Variants in TP53INP1 observed in about 807,000 individuals in gnomAD.
TP53INP1 encodes tumor protein p53-inducible nuclear protein 1.
A neutral mutation model predicts 21.0 loss-of-function variants in TP53INP1; 12 were observed. That is an observed-to-expected ratio of 0.57 (90% CI 0.37 to 0.93). TP53INP1 has a LOEUF of 0.93. TP53INP1 is among the 40% of genes least tolerant of loss of function. TP53INP1 has a pLI of 0.01. For missense variants in TP53INP1, 274 were observed against 294.7 expected, an observed-to-expected ratio of 0.93 and a Z score of 0.51; for synonymous variants, 91 against 94.8, an observed-to-expected ratio of 0.96 and a Z score of 0.23.
At chr8:94,935,090 G>A (rs1204190726) in intron 3 of TP53INP1, among the ~76,000 whole-genome samples, 4 of 102,670 alleles carry the variant, frequency 3.9e-5, no homozygotes, top group Non-Finnish European at 7.1e-5. Flanking sequence ...AACAGGAAAC[G>A]GTAGGTAGGT....
intron 3 of TP53INP1, among the ~76,000 whole-genome samples, chr8:94,936,859 G>A (rs1314035155): frequency 6.6e-6 from 1 of 152,126 alleles, no homozygotes; most frequent in Admixed American, 6.5e-5. Flanking sequence ...GCTGCATCTA[G>A]ACATTCCTCT....
At chr8:94,930,901 T>A (rs1820331333) in intron 3 of TP53INP1, among the ~76,000 whole-genome samples, 173 bp from the exon 4 acceptor site, 1 of 152,164 alleles carries the variant, frequency 6.6e-6, no homozygotes, top group Non-Finnish European at 1.5e-5. Context: ...TGACTGATAG[T>A]GGTGGAAAGG....
chr8:94,937,022 G>A (rs1821045196), intron 3 of TP53INP1, among the ~76,000 whole-genome samples: 2 of 152,106 alleles, frequency 1.3e-5, no homozygotes, highest in African/African-American at 4.8e-5. Context: ...CTACAAAATG[G>A]GTCTTGAGAA....
At chr8:94,933,669 G>C (rs1202752094) in intron 3 of TP53INP1, among the ~76,000 whole-genome samples, 2 of 151,962 alleles carry the variant, frequency 1.3e-5, no homozygotes, top group African/African-American at 4.8e-5. Flanking sequence ...GGAGGCTGAG[G>C]CATGAGAATT....
Position 94,929,422 on chromosome 8 carries a change from A to G in TP53INP1, c.*1057T>C, listed in dbSNP as rs1820179803. The G allele has an allele frequency of 6.6e-6, 1 of 152,104 alleles. No individual in the cohort carries two copies. The highest frequency in any genetic ancestry group is 2.4e-5 in the African/African-American group (1 of 41,408). The allele number at this position is 152,104 out of a possible 1,614,324, so 9.4% of individuals were successfully genotyped here. On this transcript the variant is annotated 3_prime_UTR_variant, in exon 4 of 4. Transcript: ENST00000342697. The stretch of plus-strand genomic sequence containing the variant: ...ATACTTACAATACAAGGCAATTAAA[A>G]AAAAAAAAAGAAAAAAGTTGAGCCA...
chr8:94,944,414 C>T (rs1276037252), intron 1 of TP53INP1, among the ~76,000 whole-genome samples: 3 of 152,144 alleles, frequency 2.0e-5, no homozygotes, highest in African/African-American at 4.8e-5. Flanking sequence ...AGGTCCAAAC[C>T]CAGGAAGGCA....
chr8:94,933,900 G>A lies in TP53INP1; in HGVS notation c.474-3172C>T, dbSNP rs1369482124. On this transcript the variant is annotated intron_variant, in intron 3 of 3. Coordinates refer to ENST00000342697, the MANE Select transcript of TP53INP1 (RefSeq NM_033285.4). Reference sequence around the variant, plus strand: ...AGCCTGGCCAACATGGTGAAGCCCCGTCTCTACTAAAAATGCAAAAATTAG... The same window carrying A: ...AGCCTGGCCAACATGGTGAAGCCCCATCTCTACTAAAAATGCAAAAATTAG... 3.6e-5 allele frequency among the ~76,000 whole-genome samples: 5 copies of A among 139,638 alleles called. No homozygotes were observed. In the East Asian group the frequency reaches 6.4e-4, roughly 18 times the overall value. 91.6% of individuals were successfully genotyped at this position (139,638 alleles called of 152,430 possible).
chr8:94,932,829 T>C (rs1223616574), intron 3 of TP53INP1, among the ~76,000 whole-genome samples: 1 of 151,660 alleles, frequency 6.6e-6, no homozygotes, highest in African/African-American at 2.4e-5. Flanking sequence ...GAATTTCAAA[T>C]CCCAAAATAA....
chr8:94,934,220 T>C (rs1322839173), intron 3 of TP53INP1, among the ~76,000 whole-genome samples: 1 of 152,092 alleles, frequency 6.6e-6, no homozygotes, highest in Non-Finnish European at 1.5e-5. Context: ...GTCATGAAAA[T>C]GTCATTTCCA....
chr8:94,947,566 A>AT (rs1439194468), intron 1 of TP53INP1, among the ~76,000 whole-genome samples: 2 of 152,148 alleles, frequency 1.3e-5, no homozygotes, highest in Admixed American at 1.3e-4. Context: ...TTTAAAATGG[A>AT]TTTTGAACTG....
In TP53INP1 at chr8:94,940,906, T is replaced by A. The variant is rs769012615; in HGVS notation, c.36A>T (p.Glu12Asp). The change falls in exon 2 of 4, where the codon GAA (glutamate) becomes GAT (aspartate). Residue 12 changes from glutamate to aspartate, a missense_variant. Physicochemically the swap from Glu to Asp is conservative, Grantham distance 45. Coordinates refer to ENST00000342697, the MANE Select transcript of TP53INP1 (RefSeq NM_033285.4). ...FQRLNKMFVG[E>D]VSSSSNQEPE... ...GTTCTTGGTTGGAGGAAGAACTGACTTCACCCACAAACATTTTATTCAGCC... is the reference window on the plus strand; with the variant it reads ...GTTCTTGGTTGGAGGAAGAACTGACATCACCCACAAACATTTTATTCAGCC... 2.5e-6 allele frequency: 4 copies of A among 1,613,854 alleles called. No homozygotes were observed. The African/African-American group carries it at 5.3e-5, about 22-fold the overall frequency.
intron 1 of TP53INP1, among the ~76,000 whole-genome samples, chr8:94,946,070 G>A (rs964732446): frequency 1.3e-5 from 2 of 150,522 alleles, no homozygotes; most frequent in Non-Finnish European, 1.5e-5. Context: ...CCATTGCCTT[G>A]TTCCCACCAC....
At chr8:94,934,530 C>T (rs1254619836) in intron 3 of TP53INP1, among the ~76,000 whole-genome samples, 2 of 151,870 alleles carry the variant, frequency 1.3e-5, no homozygotes, top group African/African-American at 2.4e-5. Flanking sequence ...GGAGTACAGG[C>T]GCCCACCAGC....
Position 94,930,424 on chromosome 8 carries a change from C to T in TP53INP1, c.*55G>A. 6.2e-7 allele frequency: 1 copy of T among 1,602,696 alleles called. No individual in the cohort carries two copies. On this transcript the variant is annotated 3_prime_UTR_variant, in exon 4 of 4. Transcript: ENST00000342697. The stretch of plus-strand genomic sequence containing the variant: ...AACATTTTCACTGTACATATACACA[C>T]ATCCATACATGTAAGCACAAACCAA...
chr8:94,932,546 G>A (rs1820517252), intron 3 of TP53INP1, among the ~76,000 whole-genome samples: 1 of 152,260 alleles, frequency 6.6e-6, no homozygotes, highest in South Asian at 2.1e-4. Flanking sequence ...GCTCACGCCT[G>A]TAATCCCAGC....
chr8:94,935,776 A>C (rs1456435260), intron 3 of TP53INP1, among the ~76,000 whole-genome samples: 1 of 152,226 alleles, frequency 6.6e-6, no homozygotes, highest in African/African-American at 2.4e-5. Flanking sequence ...TAGAATTATG[A>C]AAGTTAGGAT....
At chr8:94,934,314 TAC>T (rs376984979) in intron 3 of TP53INP1, among the ~76,000 whole-genome samples, 1 of 151,790 alleles carries the variant, frequency 6.6e-6, no homozygotes. Flanking sequence ...AGCTGCTGAC[TAC>T]ACACACACAC....
chr8:94,948,492 T>C (rs1033312322), intron 1 of TP53INP1, among the ~76,000 whole-genome samples: 8 of 152,192 alleles, frequency 5.3e-5, no homozygotes, highest in Non-Finnish European at 7.3e-5. Flanking sequence ...TAGCGAAGAC[T>C]GAGTTCAAGC....
At position 94,928,028 on chromosome 8, in the gene TP53INP1, C is replaced by T. The variant is rs1820051274; in HGVS notation, c.*2451G>A. Reference sequence around the variant, plus strand: ...CTTACATACAGGAGATGCCTAACATCTAATAACCAAGAGTTTCAACTGAAT... The same window carrying T: ...CTTACATACAGGAGATGCCTAACATTTAATAACCAAGAGTTTCAACTGAAT... On this transcript the variant is annotated 3_prime_UTR_variant, in exon 4 of 4. Transcript: ENST00000342697. 6.6e-6 allele frequency: 1 copy of T among 152,244 alleles called. No homozygotes were observed. The highest frequency in any genetic ancestry group is 1.5e-5 in the Non-Finnish European group (1 of 68,024). The allele number at this position is 152,244 out of a possible 1,614,324, so 9.4% of individuals were successfully genotyped here. A position where few individuals can be genotyped will look rare whatever the true frequency, so the allele number is the denominator to read the frequency against.
Sources: allele counts gnomAD v4.1 joint callset (sites outside exome capture counted in the v4.1 genomes callset), GRCh38; gene constraint gnomAD v4.1.1; transcripts MANE v1.5; gene names NCBI Gene and HGNC (gene_info 2026-07-23, HGNC 2026-07-21).